Variants in ZNF700 observed in about 807,000 individuals in gnomAD.
ZNF700 encodes the protein zinc finger protein 700.
A neutral mutation model predicts 65.3 loss-of-function variants in ZNF700; 38 were observed. That is an observed-to-expected ratio of 0.58 (90% CI 0.45 to 0.76). The LOEUF is 0.76. ZNF700 is among the 30% of genes least tolerant of loss of function. The pLI is 0.00. For missense variants in ZNF700, 857 were observed against 888.4 expected (o/e 0.96, Z 0.45); for synonymous variants, 285 against 290.4 (o/e 0.98, Z 0.19).
chr19:11,937,674 G>T (rs1408412378), intron 1 of ZNF700, among the ~76,000 whole-genome samples: 1 of 151,738 alleles, frequency 6.6e-6, no homozygotes, highest in Non-Finnish European at 1.5e-5. Flanking sequence ...ATTTTTAGTA[G>T]AGACGGGGTT....
At chr19:11,945,143 G>C (rs1972940591) in intron 1 of ZNF700, among the ~76,000 whole-genome samples, 1 of 152,152 alleles carries the variant, frequency 6.6e-6, no homozygotes, top group Non-Finnish European at 1.5e-5. Flanking sequence ...GGTAGCCCCA[G>C]GGCTGGGACT....
chr19:11,925,156 C>G lies in ZNF700; in HGVS notation c.-55C>G. ...GGCGGTTGGTAACCGGTCAGACCAG[C>G]CCGAGAGGGACCTGGTGCCTGTACC... On this transcript the variant is annotated 5_prime_UTR_variant, in exon 1 of 4. Transcript: ENST00000254321. The G allele has an allele frequency of 6.2e-7, 1 of 1,601,940 alleles. No homozygotes were observed. Among genetic ancestry groups the G allele is most frequent in the Non-Finnish European group, 8.5e-7 (1 of 1,171,470 alleles).
At position 11,948,250 on chromosome 19, in the gene ZNF700, C is replaced by T. The variant is rs375604533; in HGVS notation, c.252-26C>T. On this transcript the variant is annotated intron_variant, in intron 3 of 3. Transcript: ENST00000254321. Reference sequence around the variant, plus strand: ...TAGAAGTACTTGTAAACAAACCCTTCATGATGTGTTTCTCATGTTTTACAG... The same window carrying T: ...TAGAAGTACTTGTAAACAAACCCTTTATGATGTGTTTCTCATGTTTTACAG... 4.3e-5 allele frequency: 69 copies of T among 1,604,268 alleles called. No individual in the cohort carries two copies. The African/African-American group carries it at 6.9e-4, about 16-fold the overall frequency.
intron 1 of ZNF700, among the ~76,000 whole-genome samples, chr19:11,944,282 AG>A (rs1228363077): frequency 6.6e-6 from 1 of 152,070 alleles, no homozygotes. Context: ...ATATTTCATA[AG>A]GGGAATATCC....
At position 11,931,926 on chromosome 19, in the gene ZNF700, A is replaced by T. The variant is rs1045409204; in HGVS notation, c.63+6653A>T. Among the ~76,000 whole-genome samples the T allele has an allele frequency of 4.7e-5, 7 of 147,778 alleles. 2 individuals carry two copies. The highest frequency in any genetic ancestry group is 1.9e-4 in the African/African-American group (7 of 37,598). ...AGTTCAGGAGTTCAAGATCACCCTGACGAGCATGGAGAAACCCCATCTCTA... is the reference window on the plus strand; with the variant it reads ...AGTTCAGGAGTTCAAGATCACCCTGTCGAGCATGGAGAAACCCCATCTCTA... On this transcript the variant is annotated intron_variant, in intron 1 of 3. Transcript: ENST00000254321.
At position 11,948,943 on chromosome 19, in the gene ZNF700, C is replaced by G; in HGVS notation, c.919C>G (p.Gln307Glu). 6.2e-7 allele frequency: 1 copy of G among 1,608,178 alleles called. No individual in the cohort carries two copies. Among genetic ancestry groups the G allele is most frequent in the Non-Finnish European group, 8.5e-7 (1 of 1,178,752 alleles). The stretch of plus-strand genomic sequence containing the variant: ...AAGTCACATGGGAGAGAAGCCTTAT[C>G]AATGCAAAGAATGTGGAAAAGCATT... ...ERSHMGEKPY[Q>E]CKECGKAFAY... The change falls in exon 4 of 4, where the codon CAA becomes GAA. Residue 307 changes from glutamine (Q) to glutamate (E), a missense_variant. Physicochemically the swap from Gln to Glu is conservative, Grantham distance 29. Around this residue, in one of 3 missense-constraint regions of ZNF700, gnomAD observed 603 missense variants for 619.9 expected, o/e 0.97. Transcript: ENST00000254321.
chr19:11,950,261 C>G lies in ZNF700; in HGVS notation c.*8C>G, dbSNP rs199510942. 2 of 1,601,328 alleles carry G rather than the reference C, an allele frequency of 1.2e-6. No individual in the cohort carries two copies. The highest frequency in any genetic ancestry group is 2.2e-5 in the South Asian group (2 of 89,402). ...GGGAAAGCATTCAGCTAGCCTGGTTCCTTTTATGGACATGAATAGACTCAC... is the reference window on the plus strand; with the variant it reads ...GGGAAAGCATTCAGCTAGCCTGGTTGCTTTTATGGACATGAATAGACTCAC... On this transcript the variant is annotated 3_prime_UTR_variant, in exon 4 of 4. Coordinates refer to ENST00000254321, the MANE Select transcript of ZNF700 (RefSeq NM_144566.3).
intron 1 of ZNF700, among the ~76,000 whole-genome samples, chr19:11,944,136 C>T (rs924571129): frequency 4.6e-5 from 7 of 152,082 alleles, no homozygotes; most frequent in African/African-American, 1.4e-4. Flanking sequence ...GCTAATGGGG[C>T]GTTTCTCGTT....
intron 1 of ZNF700, among the ~76,000 whole-genome samples, chr19:11,935,233 G>GTT (rs1278688727): frequency 1.9e-3 from 179 of 93,198 alleles, no homozygotes; most frequent in East Asian, 7.4e-3. Context: ...GAAAGATCTT[G>GTT]TTTTTTTTTT....
intron 1 of ZNF700, among the ~76,000 whole-genome samples, chr19:11,940,835 C>T (rs985870856): frequency 1.3e-5 from 2 of 151,820 alleles, no homozygotes; most frequent in Admixed American, 6.6e-5. Context: ...CCACGTCCCC[C>T]CCAGATTAGC....
Position 11,949,500 on chromosome 19 carries a change from T to A in ZNF700, c.1476T>A (p.His492Gln), listed in dbSNP as rs1313197267. The change falls in exon 4 of 4, where the codon CAT becomes CAA. Residue 492 changes from histidine to glutamine, a missense_variant. Transcript: ENST00000254321. ...AFRYVKHLQI[H>Q]ERTEKHIRMP... is the part of the protein sequence containing the mutation. The stretch of plus-strand genomic sequence containing the variant: ...GATATGTGAAGCACCTTCAAATTCA[T>A]GAAAGGACAGAAAAACACATAAGAA... 7 of 1,611,952 alleles carry A rather than the reference T, an allele frequency of 4.3e-6. No individual in the cohort carries two copies. In the African/African-American group the frequency reaches 6.7e-5, roughly 15 times the overall value.
At chr19:11,944,903 A>AC (rs750874808) in intron 1 of ZNF700, among the ~76,000 whole-genome samples, 37 of 152,208 alleles carry the variant, frequency 2.4e-4, no homozygotes, top group Non-Finnish European at 4.6e-4. Flanking sequence ...CACAGCCAGT[A>AC]TGACTGTGGC....
intron 1 of ZNF700, 55 bp downstream of exon 1, chr19:11,925,328 C>G: frequency 1.3e-6 from 2 of 1,599,300 alleles, no homozygotes; most frequent in Non-Finnish European, 1.7e-6. Context: ...CTGGAACAGG[C>G]GGGAACCGGC....
intron 1 of ZNF700, among the ~76,000 whole-genome samples, chr19:11,939,160 C>G (rs546116065): frequency 3.3e-5 from 5 of 152,070 alleles, no homozygotes; most frequent in Non-Finnish European, 5.9e-5. Flanking sequence ...TAAAAATTTT[C>G]TCCCATTCTA....
chr19:11,938,567 TC>T (rs1417105859), intron 1 of ZNF700, among the ~76,000 whole-genome samples: 1 of 152,192 alleles, frequency 6.6e-6, no homozygotes, highest in Admixed American at 6.5e-5. Context: ...CATGAACTCA[TC>T]CTTTTTTGTG....
intron 2 of ZNF700, 38 bp downstream of exon 2, chr19:11,947,345 A>C: frequency 6.2e-7 from 1 of 1,611,930 alleles, no homozygotes; most frequent in Non-Finnish European, 8.5e-7. Flanking sequence ...GTGCATTAGC[A>C]AACCAGTGTT....
chr19:11,944,902 T>G (rs1441965858), intron 1 of ZNF700, among the ~76,000 whole-genome samples: 5 of 152,240 alleles, frequency 3.3e-5, no homozygotes, highest in African/African-American at 1.2e-4. Flanking sequence ...GCACAGCCAG[T>G]ATGACTGTGG....
intron 1 of ZNF700, among the ~76,000 whole-genome samples, chr19:11,941,714 C>T (rs1009759637): frequency 5.3e-5 from 8 of 152,344 alleles, no homozygotes; most frequent in East Asian, 1.9e-4. Flanking sequence ...AGCCGGCTCC[C>T]GCCTTGGTCA....
At chr19:11,932,715 G>A (rs1369157644) in intron 1 of ZNF700, among the ~76,000 whole-genome samples, 10 of 139,908 alleles carry the variant, frequency 7.1e-5, no homozygotes, top group Admixed American at 1.5e-4. Flanking sequence ...TCGGCTCACT[G>A]CAAGCTCCGC....
Sources: allele counts gnomAD v4.1 joint callset (sites outside exome capture counted in the v4.1 genomes callset), GRCh38; gene constraint gnomAD v4.1.1; regional missense constraint gnomAD v4.1.1; transcripts MANE v1.5; gene names NCBI Gene and HGNC (gene_info 2026-07-23, HGNC 2026-07-21).